Variants in MLLT10 observed in about 807,000 individuals in gnomAD.
MLLT10 encodes protein AF-10.
Under a neutral mutation model 129.1 loss-of-function variants are expected in MLLT10, and 30 were observed. That is an observed-to-expected ratio of 0.23 (90% CI 0.17 to 0.32). The LOEUF (loss-of-function observed/expected upper bound fraction) is 0.32, where lower values mean the gene tolerates loss of function less well. MLLT10 is among the 10% of genes least tolerant of loss of function. MLLT10 has a pLI of 1.00. For synonymous variants in MLLT10, 490 were observed against 446.4 expected, an observed-to-expected ratio of 1.10 and a Z score of -1.23; for missense variants, 1,119 against 1,268.3, an observed-to-expected ratio of 0.88 and a Z score of 1.79.
rs1490689127 is a variant in MLLT10, at chr10:21,717,725, C to CTCCTCT, written c.1878+3780_1878+3781insTTCCTC. 1.1e-4 allele frequency among the ~76,000 whole-genome samples: 13 copies of CTCCTCT among 116,788 alleles called. 1 individual carries two copies. The highest frequency in any genetic ancestry group is 4.4e-4 in the Admixed American group (5 of 11,494). The allele number at this position is 116,788 out of a possible 152,430, so 76.6% of individuals were successfully genotyped here. On this transcript the variant is annotated intron_variant, in intron 14 of 22. Transcript: ENST00000307729. ...CTTCCTCCTCCTCCTCTTCCTCCTC[C>CTCCTCT]TCCTCCTCCTCTTCCTCCTCCTCTT...
intron 2 of MLLT10, among the ~76,000 whole-genome samples, chr10:21,538,525 T>C (rs529043486): frequency 2.1e-4 from 32 of 152,210 alleles, no homozygotes; most frequent in South Asian, 1.7e-3. Flanking sequence ...TAGACTGTTC[T>C]GGAACTCCTG....
intron 14 of MLLT10, among the ~76,000 whole-genome samples, chr10:21,720,893 G>A (rs2057081366): frequency 6.6e-6 from 1 of 152,148 alleles, no homozygotes; most frequent in African/African-American, 2.4e-5. Flanking sequence ...TTCTCACAGT[G>A]TTCCTATGAG....
intron 13 of MLLT10, among the ~76,000 whole-genome samples, chr10:21,708,982 G>T (rs1023346893): frequency 1.3e-5 from 2 of 152,128 alleles, no homozygotes; most frequent in Admixed American, 6.5e-5. Context: ...AAGTCTTTAA[G>T]GTAGCCATTA....
At chr10:21,729,314 G>C (rs1038640128) in intron 16 of MLLT10, among the ~76,000 whole-genome samples, 1 of 152,014 alleles carries the variant, frequency 6.6e-6, no homozygotes, top group Non-Finnish European at 1.5e-5. Context: ...TTAAGAAAGT[G>C]CTATTTTGCT....
At chr10:21,540,203 C>T (rs1162067024) in intron 3 of MLLT10, among the ~76,000 whole-genome samples, 1 of 151,992 alleles carries the variant, frequency 6.6e-6, no homozygotes, top group African/African-American at 2.4e-5. Flanking sequence ...CCAGCCTGGC[C>T]GACATGGTGA....
chr10:21,548,224 G>C (rs773084458), intron 3 of MLLT10, among the ~76,000 whole-genome samples: 1 of 152,068 alleles, frequency 6.6e-6, no homozygotes, highest in Non-Finnish European at 1.5e-5. Context: ...TGAGGACTCA[G>C]TGTCCTTCCA....
chr10:21,631,296 A>C (rs1360442932), intron 8 of MLLT10, among the ~76,000 whole-genome samples: 2 of 146,624 alleles, frequency 1.4e-5, no homozygotes, highest in African/African-American at 5.1e-5. Flanking sequence ...CCTGGGCAAC[A>C]GAGCAAGACT....
At chr10:21,538,200 T>G (rs1046827097) in intron 2 of MLLT10, among the ~76,000 whole-genome samples, 1 of 151,448 alleles carries the variant, frequency 6.6e-6, no homozygotes, top group Non-Finnish European at 1.5e-5. Context: ...GTTTCACTCT[T>G]ATTGCCCAGG....
At chr10:21,713,117 C>A (rs78361989) in intron 13 of MLLT10, among the ~76,000 whole-genome samples, 2,864 of 152,208 alleles carry the variant, frequency 0.019, 83 homozygotes, top group African/African-American at 0.065. Context: ...CAACTCATAG[C>A]CCAGTTCATC....
intron 14 of MLLT10, among the ~76,000 whole-genome samples, chr10:21,721,196 G>A (rs1421589516): frequency 1.3e-5 from 2 of 151,820 alleles, no homozygotes; most frequent in East Asian, 3.9e-4. Flanking sequence ...CAGGTTAATT[G>A]TGCATTAAAA....
chr10:21,694,557 G>A (rs190900519), intron 13 of MLLT10, among the ~76,000 whole-genome samples: 24 of 152,172 alleles, frequency 1.6e-4, no homozygotes, highest in Admixed American at 4.6e-4. Context: ...GGATTCCTGT[G>A]GGCTATAATT....
At chr10:21,647,178 C>T (rs1205876849) in intron 8 of MLLT10, among the ~76,000 whole-genome samples, 1 of 152,078 alleles carries the variant, frequency 6.6e-6, no homozygotes, top group East Asian at 1.9e-4. Flanking sequence ...TTTTAATGGC[C>T]ATTATATGCT....
chr10:21,614,883 G>A lies in MLLT10; in HGVS notation c.562G>A (p.Val188Ile). Residue 188 changes from valine (V) to isoleucine (I), a missense_variant, in exon 7 of 23, where the codon GTC (valine) becomes ATC (isoleucine). By Grantham distance (29) the Val-to-Ile change is conservative (BLOSUM62 3). Transcript: ENST00000307729. ...CEEEGNGADN[V>I]QYCGYCKYHF... ...AGAAGAAGGTAATGGTGCCGATAAT[G>A]TCCAATACTGTGGCTACTGTAAATA... The A allele has an allele frequency of 6.2e-7, 1 of 1,612,586 alleles. No individual in the cohort carries two copies. Among genetic ancestry groups the A allele is most frequent in the Non-Finnish European group, 8.5e-7 (1 of 1,179,648 alleles).
chr10:21,562,283 TAG>T (rs1217154878), intron 3 of MLLT10, among the ~76,000 whole-genome samples: 4 of 152,076 alleles, frequency 2.6e-5, no homozygotes, highest in African/African-American at 9.7e-5. Context: ...GGGATTTTGA[TAG>T]AGATTTTATT....
rs1253722814 is a variant in MLLT10, at chr10:21,670,678, T to G, written c.1025T>G (p.Val342Gly). The G allele has an allele frequency of 1.2e-6, 2 of 1,613,918 alleles. No homozygotes were observed. Among genetic ancestry groups the G allele is most frequent in the African/African-American group, 1.3e-5 (1 of 74,918 alleles). The change falls in exon 10 of 23, where the codon GTG becomes GGG. Residue 342 changes from valine (V) to glycine (G), a missense_variant. Transcript: ENST00000307729. ...GGTGGAAGAAATCCAGGAACAACTG[T>G]GTCAGCAGCTAGCCCTTTTCCTCAA... ...PGGGRNPGTT[V>G]SAASPFPQGS... is the part of the protein sequence containing the mutation.
rs2033354308 is a variant in MLLT10 at position 21,534,300 on chromosome 10, G to C, written c.-221G>C. The stretch of plus-strand genomic sequence containing the variant: ...CCCCTCCCTCGCTGCCCCTGGCCCA[G>C]CGGGAGCCCCCCCTCCCCCCAGTGC... On this transcript the variant is annotated 5_prime_UTR_variant, in exon 1 of 23. Transcript: ENST00000307729. The C allele has an allele frequency of 5.1e-6, 2 of 391,092 alleles. No individual in the cohort carries two copies. The highest frequency in any genetic ancestry group is 9.1e-6 in the Non-Finnish European group (2 of 220,050). 24.2% of individuals were successfully genotyped at this position (391,092 alleles called of 1,614,324 possible). A position where few individuals can be genotyped will look rare whatever the true frequency, so the allele number is the denominator to read the frequency against.
At chr10:21,539,159 T>A (rs1297653374) in intron 3 of MLLT10, among the ~76,000 whole-genome samples, 4 of 152,244 alleles carry the variant, frequency 2.6e-5, no homozygotes, top group Admixed American at 2.0e-4. Flanking sequence ...TGGGCTTTGT[T>A]AACTAGTTAC....
At chr10:21,674,003 C>A in intron 11 of MLLT10, 84 bp downstream of exon 11, 3 of 1,010,312 alleles carry the variant, frequency 3.0e-6, no homozygotes, top group South Asian at 2.5e-5. Flanking sequence ...ACTGTTGTTA[C>A]GATAATACTT....
intron 3 of MLLT10, among the ~76,000 whole-genome samples, chr10:21,549,659 C>CT (rs11374255): frequency 0.28 from 33,650 of 121,940 alleles, 5,337 homozygotes; most frequent in Middle Eastern, 0.45. Flanking sequence ...GAGTTGTACT[C>CT]TTTTTTTTTT....
Sources: allele counts gnomAD v4.1 joint callset (sites outside exome capture counted in the v4.1 genomes callset), GRCh38; gene constraint gnomAD v4.1.1; transcripts MANE v1.5; gene names NCBI Gene and HGNC (gene_info 2026-07-23, HGNC 2026-07-21).